The following XKR9 variants were observed in gnomAD, a reference collection of about 807,000 sequenced individuals.
The protein encoded by XKR9 is XK related 9.
Under a neutral mutation model 32.0 loss-of-function variants are expected in XKR9, and 32 were observed. The observed-to-expected ratio is 1.00, with a 90% CI of 0.76 to 1.34. The LOEUF (loss-of-function observed/expected upper bound fraction) is 1.34, where lower values mean the gene tolerates loss of function less well. Ranked by LOEUF, XKR9 falls within the 40% of genes most tolerant of loss-of-function variation. XKR9 has a pLI of 0.00. For missense variants in XKR9, 546 were observed against 429.7 expected, an observed-to-expected ratio of 1.27 and a Z score of -2.39; for synonymous variants, 168 against 143.4, an observed-to-expected ratio of 1.17 and a Z score of -1.22.
At chr8:71,042,673 A>C in the XKR9 span, among the ~76,000 whole-genome samples, 6 of 151,982 alleles carry the variant, frequency 3.9e-5, no homozygotes, top group Non-Finnish European at 7.3e-5. Flanking sequence ...TACTAAATAC[A>C]TTTAAAATGT....
At chr8:70,711,567 C>T (rs1167286703) in intron 4 of XKR9, among the ~76,000 whole-genome samples, 1 of 152,128 alleles carries the variant, frequency 6.6e-6, no homozygotes, top group Non-Finnish European at 1.5e-5. Context: ...TAAGAGGGAG[C>T]TAAACATTGA....
intron 2 of XKR9, among the ~76,000 whole-genome samples, chr8:70,741,899 C>T (rs1044601256): frequency 2.0e-5 from 3 of 151,658 alleles, no homozygotes; most frequent in Non-Finnish European, 2.9e-5. Flanking sequence ...CACTATTTTA[C>T]AATCCCACCA....
the XKR9 span, among the ~76,000 whole-genome samples, chr8:71,010,937 C>T: frequency 7.9e-5 from 12 of 152,166 alleles, no homozygotes; most frequent in Admixed American, 2.0e-4. Flanking sequence ...GAAAAAACAG[C>T]AGGCCTGCTC....
At chr8:70,865,264 C>T in the XKR9 span, among the ~76,000 whole-genome samples, 8 of 150,832 alleles carry the variant, frequency 5.3e-5, no homozygotes, top group East Asian at 1.9e-4. Context: ...GATCAAAAGT[C>T]CTTCTGGGCT....
chr8:70,715,654 A>G (rs1355347107), intron 4 of XKR9, among the ~76,000 whole-genome samples: 6 of 152,176 alleles, frequency 3.9e-5, no homozygotes. Context: ...AATAGCTCAC[A>G]TCAAGCACAT....
the XKR9 span, among the ~76,000 whole-genome samples, chr8:70,797,669 G>A: frequency 6.6e-6 from 1 of 151,830 alleles, no homozygotes; most frequent in Non-Finnish European, 1.5e-5. Context: ...CATTGGCATA[G>A]TACCCAATAG....
chr8:70,847,006 A>G, the XKR9 span, among the ~76,000 whole-genome samples: 1 of 152,110 alleles, frequency 6.6e-6, no homozygotes, highest in Non-Finnish European at 1.5e-5. Context: ...ACAAACATCT[A>G]TGGAAGATTT....
chr8:70,745,109 G>T (rs1477498925), intron 2 of XKR9, among the ~76,000 whole-genome samples: 1 of 147,026 alleles, frequency 6.8e-6, no homozygotes, highest in Non-Finnish European at 1.5e-5. Context: ...CACAAACATA[G>T]ATTAAGTATT....
intron 3 of XKR9, among the ~76,000 whole-genome samples, chr8:70,687,354 CTT>C (rs1819329115): frequency 6.8e-6 from 1 of 146,182 alleles, no homozygotes; most frequent in Non-Finnish European, 1.5e-5. Context: ...TTCTTTCTTT[CTT>C]TCTCTCTTTC....
chr8:70,949,013 A>G, the XKR9 span, among the ~76,000 whole-genome samples: 1 of 152,204 alleles, frequency 6.6e-6, no homozygotes, highest in African/African-American at 2.4e-5. Flanking sequence ...GAAAAGTGAT[A>G]TGGAATATTT....
chr8:70,887,226 T>C, the XKR9 span, among the ~76,000 whole-genome samples: 1 of 152,174 alleles, frequency 6.6e-6, no homozygotes, highest in South Asian at 2.1e-4. Flanking sequence ...AAAGATCAGA[T>C]GGTTGTAGAT....
At chr8:70,753,514 C>T (rs1438418976) in intron 2 of XKR9, among the ~76,000 whole-genome samples, 1 of 152,202 alleles carries the variant, frequency 6.6e-6, no homozygotes, top group Non-Finnish European at 1.5e-5. Flanking sequence ...CAAAAGTCCT[C>T]AATAAAATAC....
the XKR9 span, among the ~76,000 whole-genome samples, chr8:70,849,985 CAA>C: frequency 0.024 from 3,445 of 144,486 alleles, 49 homozygotes; most frequent in Middle Eastern, 0.039. Flanking sequence ...AATAGCCTGC[CAA>C]AAAAAAAAAA....
At chr8:71,021,498 C>CTTTTTTTTTTTTTT in the XKR9 span, among the ~76,000 whole-genome samples, 1 of 101,418 alleles carries the variant, frequency 9.9e-6, no homozygotes, top group African/African-American at 3.6e-5. Flanking sequence ...TTGATGGTTT[C>CTTTTTTTTTTTTTT]TTTTTTTTTT....
the XKR9 span, among the ~76,000 whole-genome samples, chr8:70,893,733 C>A: frequency 6.6e-6 from 1 of 152,060 alleles, no homozygotes; most frequent in Admixed American, 6.6e-5. Flanking sequence ...TTCTTCTATT[C>A]TTATTTTCCC....
At chr8:70,965,374 G>A in the XKR9 span, among the ~76,000 whole-genome samples, 632 of 152,122 alleles carry the variant, frequency 4.2e-3, no homozygotes, top group South Asian at 0.026. Context: ...GGATTTTTGC[G>A]TTGATGTTTA....
chr8:70,978,516 A>G, the XKR9 span, among the ~76,000 whole-genome samples: 7 of 152,268 alleles, frequency 4.6e-5, no homozygotes, highest in African/African-American at 1.7e-4. Context: ...CAGGATACGA[A>G]ATTCTGGGTT....
At chr8:70,736,143 A>G (rs1046711057), downstream of XKR9, among the ~76,000 whole-genome samples, 2 of 151,772 alleles carry the variant, frequency 1.3e-5, no homozygotes, top group African/African-American at 4.8e-5. Flanking sequence ...CTGACTTTTT[A>G]ATGATTGCCA....
At chr8:71,029,858 T>C in the XKR9 span, among the ~76,000 whole-genome samples, 1 of 151,994 alleles carries the variant, frequency 6.6e-6, no homozygotes, top group African/African-American at 2.4e-5. Context: ...AGAGTGCGCC[T>C]CTAAAGAACT....
Sources: gnomAD v4.1 joint callset for allele counts (sites outside exome capture counted in the v4.1 genomes callset) on GRCh38, gnomAD v4.1.1 for gene constraint, MANE v1.5 for transcripts, NCBI Gene and HGNC (gene_info 2026-07-23, HGNC 2026-07-21) for gene names.